NCAM1: variants seen among roughly 807,000 people sequenced by gnomAD.
NCAM1 encodes the protein antigen recognized by monoclonal antibody 5.1H11.
In NCAM1, 14 loss-of-function variants were observed where a neutral mutation model predicts 109.8. That is an observed-to-expected ratio of 0.13 (90% CI 0.08 to 0.20). The LOEUF is 0.20. Among genes scored for constraint, NCAM1 ranks in the 10% least tolerant of loss-of-function variants. The pLI is 1.00. For synonymous variants in NCAM1, 418 were observed against 442.9 expected, an observed-to-expected ratio of 0.94 and a Z score of 0.70; for missense variants, 774 against 1,109.9, an observed-to-expected ratio of 0.70 and a Z score of 4.30.
intron 14 of NCAM1, chr11:113,236,220 T>C: frequency 6.9e-7 from 1 of 1,449,618 alleles, no homozygotes; most frequent in East Asian, 2.3e-5. Flanking sequence ...TCTATTCATT[T>C]CTTTTACATC....
chr11:113,240,328 A>T (rs185683456), intron 14 of NCAM1, among the ~76,000 whole-genome samples: 1 of 152,204 alleles, frequency 6.6e-6, no homozygotes, highest in Non-Finnish European at 1.5e-5. Context: ...TTTGCTATAA[A>T]TAAAGTCATA....
chr11:113,002,379 AAT>A (rs1951777994), intron 1 of NCAM1, among the ~76,000 whole-genome samples: 1 of 152,232 alleles, frequency 6.6e-6, no homozygotes, highest in African/African-American at 2.4e-5. Flanking sequence ...TGTTTAATTG[AAT>A]CTTATCAATG....
chr11:113,042,708 G>C (rs1454074475), intron 1 of NCAM1, among the ~76,000 whole-genome samples: 2 of 152,030 alleles, frequency 1.3e-5, no homozygotes, highest in Admixed American at 1.3e-4. Context: ...TTCCTCACCT[G>C]TCCCAGCTGT....
At chr11:113,045,215 C>G (rs1043841740) in intron 1 of NCAM1, among the ~76,000 whole-genome samples, 8 of 152,228 alleles carry the variant, frequency 5.3e-5, no homozygotes, top group South Asian at 4.1e-4. Flanking sequence ...CCAGGACAAA[C>G]TTGCTGGGTT....
At chr11:113,028,687 T>A (rs1357741312) in intron 1 of NCAM1, among the ~76,000 whole-genome samples, 1 of 152,238 alleles carries the variant, frequency 6.6e-6, no homozygotes, top group Non-Finnish European at 1.5e-5. Context: ...TTGATACTTT[T>A]GTGCAGTATG....
chr11:113,260,048 T>C (rs548121440), intron 16 of NCAM1, 98 bp from the exon 17 acceptor site: 4 of 1,079,344 alleles, frequency 3.7e-6, no homozygotes, highest in Admixed American at 2.8e-5. Flanking sequence ...CAAAAGTTAT[T>C]GAGTCCCGTA....
In NCAM1 at chr11:113,233,440, A is replaced by G; in HGVS notation, c.1693+123A>G. ...AACTGCACCTCCAGAATTAGGTCAA[A>G]GTCATATCTGCCTGTAGAGTTGTTG... On this transcript the variant is annotated intron_variant, in intron 13 of 19. Transcript: ENST00000316851. This position sits in a 1 kb window ranked among gnomAD's most constrained non-coding sequence, Gnocchi z 4.5. 1 of 1,070,398 alleles carries G rather than the reference A, an allele frequency of 9.3e-7. No individual in the cohort carries two copies. Among genetic ancestry groups the G allele is most frequent in the Non-Finnish European group, 1.3e-6 (1 of 740,826 alleles). 66.3% of individuals were successfully genotyped at this position (1,070,398 alleles called of 1,614,324 possible).
At chr11:112,985,684 G>T (rs1335300098) in intron 1 of NCAM1, among the ~76,000 whole-genome samples, 1 of 151,644 alleles carries the variant, frequency 6.6e-6, no homozygotes, top group African/African-American at 2.4e-5. Flanking sequence ...TAATGAGATT[G>T]TTTTTAGATT....
intron 1 of NCAM1, among the ~76,000 whole-genome samples, chr11:113,013,980 A>G (rs1279605282): frequency 6.6e-6 from 1 of 152,170 alleles, no homozygotes; most frequent in Non-Finnish European, 1.5e-5. Context: ...TTTCTTAGAG[A>G]CAAGTTAAAA....
At chr11:113,201,662 A>C (rs564745899) in intron 1 of NCAM1, among the ~76,000 whole-genome samples, 12 of 152,230 alleles carry the variant, frequency 7.9e-5, no homozygotes, top group Non-Finnish European at 1.5e-4. Flanking sequence ...TGGATGTTCA[A>C]ATAAATATTC....
Position 113,136,917 on chromosome 11 carries a change from G to A in NCAM1, c.53-65462G>A, listed in dbSNP as rs777380018. ...GGCGTGGTCAGACTGGGGACATGGA[G>A]AGAGGATGTGTCCAGGGGAAGGCCA... On this transcript the variant is annotated intron_variant, in intron 1 of 19. Transcript: ENST00000316851. Among the ~76,000 whole-genome samples, 135 of 152,212 alleles carry A rather than the reference G, an allele frequency of 8.9e-4. 2 individuals carry two copies. Among genetic ancestry groups the A allele is most frequent in the Non-Finnish European group, 7.2e-4 (49 of 68,036 alleles).
intron 1 of NCAM1, among the ~76,000 whole-genome samples, chr11:112,973,641 T>C (rs1950937814): frequency 6.6e-6 from 1 of 152,092 alleles, no homozygotes; most frequent in African/African-American, 2.4e-5. Context: ...AATACCTAAC[T>C]AATAGGGTTA....
At chr11:112,972,909 C>T (rs191406780) in intron 1 of NCAM1, among the ~76,000 whole-genome samples, 12 of 152,090 alleles carry the variant, frequency 7.9e-5, no homozygotes, top group Admixed American at 5.9e-4. Context: ...GCTTCCTGGG[C>T]GCATTGAACT....
rs377595660 is a variant in NCAM1, at chr11:113,254,041, C to T, written c.1829-1836C>T. Among the ~76,000 whole-genome samples the T allele has an allele frequency of 2.5e-3, 383 of 152,346 alleles. 2 individuals carry two copies. The highest frequency in any genetic ancestry group is 8.8e-3 in the African/African-American group (364 of 41,586). On this transcript the variant is annotated intron_variant, in intron 15 of 19. Coordinates refer to ENST00000316851, the MANE Select transcript of NCAM1 (RefSeq NM_181351.5). Reference sequence around the variant, plus strand: ...TTTGTTCAGCATTTCTGAATCTACACAGAGCTCCTGCCTTGATCTAAAATC... The same window carrying T: ...TTTGTTCAGCATTTCTGAATCTACATAGAGCTCCTGCCTTGATCTAAAATC...
At chr11:113,270,451 C>A (rs1946242379) in intron 18 of NCAM1, 56 bp downstream of exon 18, 2 of 1,538,970 alleles carry the variant, frequency 1.3e-6, no homozygotes, top group Non-Finnish European at 1.8e-6. Context: ...AGCCCAGGGA[C>A]CCAGCAGCTG....
chr11:113,272,607 G>A (rs1555125695), intron 19 of NCAM1, among the ~76,000 whole-genome samples: 1 of 152,172 alleles, frequency 6.6e-6, no homozygotes, highest in Admixed American at 6.5e-5. Flanking sequence ...TCCAGGGCAG[G>A]GATCAGGAAG....
intron 1 of NCAM1, among the ~76,000 whole-genome samples, chr11:113,113,439 T>G (rs1311713971): frequency 6.6e-6 from 1 of 152,232 alleles, no homozygotes; most frequent in African/African-American, 2.4e-5. Flanking sequence ...TGTTTCTCTC[T>G]GGAATTATAT....
intron 1 of NCAM1, among the ~76,000 whole-genome samples, chr11:113,066,669 G>C (rs2135527989): frequency 6.6e-6 from 1 of 152,232 alleles, no homozygotes; most frequent in Non-Finnish European, 1.5e-5. Flanking sequence ...TTTGAAGTGA[G>C]AAATGTGAAG....
chr11:113,110,447 T>G (rs1414232374), intron 1 of NCAM1, among the ~76,000 whole-genome samples: 1 of 152,212 alleles, frequency 6.6e-6, no homozygotes, highest in African/African-American at 2.4e-5. Flanking sequence ...AGCTTTATAA[T>G]TGATTATCCT....
Sources: gnomAD v4.1 joint callset for allele counts (sites outside exome capture counted in the v4.1 genomes callset) on GRCh38, gnomAD v4.1.1 for gene constraint, Gnocchi (gnomAD v3.1) non-coding constraint, MANE v1.5 for transcripts, NCBI Gene and HGNC (gene_info 2026-07-23, HGNC 2026-07-21) for gene names.